BIRC6: variants seen among roughly 807,000 people sequenced by gnomAD.
BIRC6 encodes the protein baculoviral IAP repeat containing 6.
BIRC6 carries 98 observed loss-of-function variants against 503.3 expected under a neutral mutation model. The ratio of observed to expected loss-of-function variants is 0.19; its 90% CI spans 0.17 to 0.23. BIRC6 has a LOEUF of 0.23. BIRC6 is among the 10% of genes least tolerant of loss of function. The probability of loss-of-function intolerance (pLI) is 1.00; values close to 1 mark genes in which losing one functional copy is unlikely to be tolerated. For synonymous variants in BIRC6, 2,240 were observed against 2,078.7 expected, an observed-to-expected ratio of 1.08 and a Z score of -2.11; for missense variants, 5,360 against 5,806.0, an observed-to-expected ratio of 0.92 and a Z score of 2.50.
intron 68 of BIRC6, among the ~76,000 whole-genome samples, chr2:32,596,648 T>TA (rs1311007417): frequency 6.6e-6 from 1 of 151,944 alleles, no homozygotes; most frequent in African/African-American, 2.4e-5. Context: ...TTTCCAGACA[T>TA]ATGTTTGTGT....
chr2:32,464,028 A>G (rs1409935610), intron 24 of BIRC6, among the ~76,000 whole-genome samples: 1 of 152,192 alleles, frequency 6.6e-6, no homozygotes, highest in Non-Finnish European at 1.5e-5. Flanking sequence ...GAGGTGGAAC[A>G]GTTTCATCCC....
rs569141189 is a variant in BIRC6 at position 32,554,154 on chromosome 2, C to T, written c.13144+4673C>T. On this transcript the variant is annotated intron_variant, in intron 65 of 73. Coordinates refer to ENST00000421745, the MANE Select transcript of BIRC6 (RefSeq NM_016252.4). The stretch of plus-strand genomic sequence containing the variant: ...CACCTATTTTAGAAAATAGTATGTT[C>T]CTTTTTTGAGAAGAGAGCATATTAA... Among the ~76,000 whole-genome samples the T allele has an allele frequency of 1.1e-4, 16 of 152,226 alleles. 1 individual carries two copies. In the South Asian group the frequency reaches 3.3e-3, roughly 32 times the overall value.
At chr2:32,531,334 T>C (rs1232479366) in intron 60 of BIRC6, 21 bp from the exon 61 acceptor site, 1 of 1,581,604 alleles carries the variant, frequency 6.3e-7, no homozygotes, top group Admixed American at 1.8e-5. Flanking sequence ...CCTATTCAGT[T>C]ATTTGTAATT....
At chr2:32,369,881 A>G (rs1471202232) in intron 1 of BIRC6, among the ~76,000 whole-genome samples, 1 of 140,404 alleles carries the variant, frequency 7.1e-6, no homozygotes, top group Admixed American at 7.5e-5. Flanking sequence ...GCTTGAGACC[A>G]GGAGTTCCAG....
At chr2:32,561,402 G>T (rs534196037) in intron 65 of BIRC6, among the ~76,000 whole-genome samples, 19 of 151,758 alleles carry the variant, frequency 1.3e-4, no homozygotes, top group Non-Finnish European at 2.7e-4. Flanking sequence ...AGCACGCCTG[G>T]TTAATTTTTG....
intron 61 of BIRC6, chr2:32,532,030 GCTC>G (rs1339405798): frequency 2.1e-6 from 1 of 487,046 alleles, no homozygotes; most frequent in Non-Finnish European, 4.1e-6. Flanking sequence ...TGCTTTCCAT[GCTC>G]TTGTATCAAT....
chr2:32,492,216 G>A (rs139023486), intron 44 of BIRC6, among the ~76,000 whole-genome samples: 243 of 151,988 alleles, frequency 1.6e-3, no homozygotes, highest in African/African-American at 5.7e-3. Flanking sequence ...TAATTTAGTT[G>A]TCCTCAACAG....
intron 10 of BIRC6, among the ~76,000 whole-genome samples, chr2:32,424,001 G>A (rs2043210245): frequency 6.6e-6 from 1 of 152,100 alleles, no homozygotes; most frequent in Non-Finnish European, 1.5e-5. Context: ...GAATGGTAAT[G>A]CTAGCTATGG....
In BIRC6 at chr2:32,473,246, G is replaced by C; in HGVS notation, c.6720+7G>C. The C allele has an allele frequency of 6.6e-7, 1 of 1,518,276 alleles. No homozygotes were observed. The highest frequency in any genetic ancestry group is 8.8e-7 in the Non-Finnish European group (1 of 1,133,816). 94.1% of individuals were successfully genotyped at this position (1,518,276 alleles called of 1,614,324 possible). Reference sequence around the variant, plus strand: ...GCTTGTTCATCATAAACAGGTAATTGTCAATATATTTAAAAATTTTTAATG... The same window carrying C: ...GCTTGTTCATCATAAACAGGTAATTCTCAATATATTTAAAAATTTTTAATG... On this transcript the variant is annotated splice_region_variant and intron_variant, in intron 33 of 73. Transcript: ENST00000421745.
chr2:32,420,575 G>A (rs2042828676), intron 10 of BIRC6, among the ~76,000 whole-genome samples: 1 of 151,956 alleles, frequency 6.6e-6, no homozygotes, highest in Admixed American at 6.6e-5. Context: ...GTGCAGTGGT[G>A]CAGTTTTGGC....
At chr2:32,390,524 A>C (rs2039091044) in intron 4 of BIRC6, among the ~76,000 whole-genome samples, 1 of 152,046 alleles carries the variant, frequency 6.6e-6, no homozygotes, top group African/African-American at 2.4e-5. Context: ...CATGTTGGCC[A>C]GGCTGGTCTC....
intron 21 of BIRC6, among the ~76,000 whole-genome samples, chr2:32,447,433 GA>G (rs1170099774): frequency 1.4e-5 from 2 of 141,960 alleles, no homozygotes; most frequent in African/African-American, 5.1e-5. Context: ...GCGGGGGGCT[GA>G]CCCCCCACCT....
Position 32,597,797 on chromosome 2 carries a change from T to G in BIRC6, c.13659T>G (p.Phe4553Leu), listed in dbSNP as rs1176252189. ...VSEDEDGKLG[F>L]KVNYHYMSQV... ...AAGATGAAGATGGGAAATTGGGATT[T>G]AAAGTAAATTACCACTACATGTCTC... Residue 4553 changes from phenylalanine to leucine, a missense_variant, in exon 69 of 74, where the codon TTT becomes TTG. Physicochemically the swap from Phe to Leu is conservative, Grantham distance 22 (BLOSUM62 0). Coordinates refer to ENST00000421745, the MANE Select transcript of BIRC6 (RefSeq NM_016252.4). The G allele has an allele frequency of 6.2e-7, 1 of 1,613,556 alleles. No individual in the cohort carries two copies. Among genetic ancestry groups the G allele is most frequent in the Non-Finnish European group, 8.5e-7 (1 of 1,179,642 alleles).
intron 69 of BIRC6, among the ~76,000 whole-genome samples, chr2:32,599,043 A>AAAAGGCCTG (rs1449575056): frequency 1.3e-5 from 2 of 148,250 alleles, no homozygotes; most frequent in African/African-American, 5.0e-5. Context: ...AAAAAAAAAA[A>AAAAGGCCTG]AAAGGCCTGG....
At chr2:32,585,384 GTTT>G (rs571780668) in intron 66 of BIRC6, among the ~76,000 whole-genome samples, 1 of 143,164 alleles carries the variant, frequency 7.0e-6, no homozygotes, top group African/African-American at 2.6e-5. Context: ...TGGTTCTTTT[GTTT>G]TTTTTTTTTT....
chr2:32,384,377 G>T (rs1452208521), intron 3 of BIRC6, among the ~76,000 whole-genome samples: 1 of 149,754 alleles, frequency 6.7e-6, no homozygotes, highest in African/African-American at 2.5e-5. Context: ...GTGGAAAAAA[G>T]ATTTTTTTTT....
chr2:32,428,868 T>C (rs1043267910), intron 10 of BIRC6, among the ~76,000 whole-genome samples: 1 of 152,186 alleles, frequency 6.6e-6, no homozygotes, highest in African/African-American at 2.4e-5. Flanking sequence ...GTAAATGAAT[T>C]AATTAAAGCA....
intron 1 of BIRC6, among the ~76,000 whole-genome samples, chr2:32,375,352 A>G (rs1470719109): frequency 6.6e-6 from 1 of 152,158 alleles, no homozygotes; most frequent in Admixed American, 6.6e-5. Context: ...GAAAGTATTC[A>G]GTCTTTTACC....
rs1410469884 is a variant in BIRC6 at position 32,357,297 on chromosome 2, G to A, written c.136G>A (p.Gly46Arg). Reference sequence around the variant, plus strand: ...GGGCCCCGGCTGCTCCTCGGCGGCGGGGGCGGGGGCGGCCGGGGTCTCAGA... The same window carrying A: ...GGGCCCCGGCTGCTCCTCGGCGGCGAGGGCGGGGGCGGCCGGGGTCTCAGA... ...ASGPGCSSAAGAGAAGVSEWL... is the reference protein window; with the variant it reads ...ASGPGCSSAARAGAAGVSEWL... Residue 46 changes from glycine (G) to arginine (R), a missense_variant, in exon 1 of 74, where the codon GGG becomes AGG. Gly to Arg is a moderately radical substitution (Grantham distance 125). Around this residue, in one of 16 missense-constraint regions of BIRC6, gnomAD observed 145 missense variants for 106.9 expected, o/e 1.36. Transcript: ENST00000421745. This position sits in a 1 kb window ranked among gnomAD's most constrained non-coding sequence, Gnocchi z 4.9. The A allele has an allele frequency of 6.6e-7, 1 of 1,524,746 alleles. No homozygotes were observed. The highest frequency in any genetic ancestry group is 2.1e-5 in the Admixed American group (1 of 47,372). The allele number at this position is 1,524,746 out of a possible 1,614,324, so 94.5% of individuals were successfully genotyped here.
Sources: allele counts gnomAD v4.1 joint callset (sites outside exome capture counted in the v4.1 genomes callset), GRCh38; gene constraint gnomAD v4.1.1; regional missense constraint gnomAD v4.1.1; non-coding constraint Gnocchi (gnomAD v3.1); transcripts MANE v1.5; gene names NCBI Gene and HGNC (gene_info 2026-07-23, HGNC 2026-07-21).